Variants in GALNTL6 observed in about 807,000 individuals in gnomAD.
GALNTL6 encodes polypeptide N-acetylgalactosaminyltransferase like 6.
A neutral mutation model predicts 73.7 loss-of-function variants in GALNTL6; 46 were observed. The ratio of observed to expected loss-of-function variants is 0.62; its 90% CI spans 0.49 to 0.80. GALNTL6 has a LOEUF of 0.80. Ranked by LOEUF, GALNTL6 falls within the 30% of genes least tolerant of loss-of-function variation. The probability of loss-of-function intolerance (pLI) is 0.00; values close to 1 mark genes in which losing one functional copy is unlikely to be tolerated. For synonymous variants in GALNTL6, 259 were observed against 263.7 expected (o/e 0.98, Z 0.17); for missense variants, 604 against 755.0 (o/e 0.80, Z 2.34).
intron 2 of GALNTL6, among the ~76,000 whole-genome samples, chr4:172,222,109 C>A (rs1736696504): frequency 6.6e-6 from 1 of 151,690 alleles, no homozygotes. Flanking sequence ...TAACAGCTAC[C>A]CAGACAGTAG....
chr4:171,825,537 A>T (rs1235585994), intron 2 of GALNTL6, among the ~76,000 whole-genome samples: 1 of 152,054 alleles, frequency 6.6e-6, no homozygotes, highest in Non-Finnish European at 1.5e-5. Context: ...GCCAAAGGAA[A>T]TTACATTTTT....
At chr4:172,592,798 G>A (rs1387468578) in intron 5 of GALNTL6, among the ~76,000 whole-genome samples, 1 of 151,942 alleles carries the variant, frequency 6.6e-6, no homozygotes, top group African/African-American at 2.4e-5. Context: ...TTCCCAAGGA[G>A]CTTTGTTTGC....
intron 5 of GALNTL6, among the ~76,000 whole-genome samples, chr4:172,486,956 T>G (rs1023434346): frequency 5.9e-5 from 9 of 152,212 alleles, no homozygotes; most frequent in African/African-American, 2.2e-4. Context: ...ATTCTTCAGA[T>G]TGGCAAATGT....
intron 3 of GALNTL6, among the ~76,000 whole-genome samples, chr4:172,259,249 C>G (rs1002540139): frequency 3.3e-5 from 5 of 151,256 alleles, no homozygotes; most frequent in African/African-American, 1.2e-4. Context: ...CTCTTTTCAC[C>G]ACATCCATGC....
intron 5 of GALNTL6, among the ~76,000 whole-genome samples, chr4:172,528,639 TGGC>T (rs959043950): frequency 2.6e-5 from 4 of 151,404 alleles, no homozygotes; most frequent in African/African-American, 9.7e-5. Flanking sequence ...CCACTGCACC[TGGC>T]CTTATATTTT....
intron 2 of GALNTL6, among the ~76,000 whole-genome samples, chr4:172,042,756 C>T (rs1742117390): frequency 6.8e-6 from 1 of 146,098 alleles, no homozygotes; most frequent in Non-Finnish European, 1.5e-5. Flanking sequence ...CTTTCTCTGA[C>T]TATTCTGATA....
chr4:171,829,555 C>A (rs1212920370), intron 2 of GALNTL6, among the ~76,000 whole-genome samples: 1 of 152,052 alleles, frequency 6.6e-6, no homozygotes, highest in African/African-American at 2.4e-5. Context: ...CATACTTTTT[C>A]CCCCTGGAAT....
intron 10 of GALNTL6, among the ~76,000 whole-genome samples, chr4:172,955,738 T>C (rs1367859765): frequency 6.6e-6 from 1 of 151,736 alleles, no homozygotes; most frequent in Non-Finnish European, 1.5e-5. Context: ...TGAGTGCAAG[T>C]GGGCTGAGTC....
At chr4:173,021,226 T>G (rs1049613025) in intron 11 of GALNTL6, among the ~76,000 whole-genome samples, 5 of 152,154 alleles carry the variant, frequency 3.3e-5, no homozygotes, top group African/African-American at 1.2e-4. Context: ...CTCTGTATTT[T>G]CTCTGGTACC....
At chr4:172,206,527 G>C (rs1329241015) in intron 2 of GALNTL6, among the ~76,000 whole-genome samples, 1 of 152,122 alleles carries the variant, frequency 6.6e-6, no homozygotes, top group African/African-American at 2.4e-5. Flanking sequence ...TTCAGATAAT[G>C]ATAAGTGATA....
chr4:172,133,667 T>C (rs540795004), intron 2 of GALNTL6, among the ~76,000 whole-genome samples: 2 of 152,352 alleles, frequency 1.3e-5, no homozygotes, highest in South Asian at 2.1e-4. Flanking sequence ...GGTGACCAAC[T>C]GAACTGAGGT....
At chr4:172,394,432 T>C (rs1465468502) in intron 5 of GALNTL6, among the ~76,000 whole-genome samples, 7 of 146,712 alleles carry the variant, frequency 4.8e-5, no homozygotes, top group Non-Finnish European at 9.0e-5. Flanking sequence ...CTTCTTCTTT[T>C]TTTTTTTTTT....
At chr4:172,256,880 C>T (rs1738098377) in intron 3 of GALNTL6, among the ~76,000 whole-genome samples, 2 of 151,300 alleles carry the variant, frequency 1.3e-5, no homozygotes, top group South Asian at 4.1e-4. Context: ...CTTCATTCAC[C>T]TCTATATTCC....
rs57041409 is a variant in GALNTL6 at position 172,057,701 on chromosome 4, CAAAAA to C, written c.139-171932_139-171928del. Among the ~76,000 whole-genome samples the C allele has an allele frequency of 7.4e-3, 465 of 63,108 alleles. 3 individuals are homozygous for C. Among genetic ancestry groups the C allele is most frequent in the African/African-American group, 0.011 (153 of 14,200 alleles). 41.4% of individuals were successfully genotyped at this position (63,108 alleles called of 152,430 possible). On this transcript the variant is annotated intron_variant, in intron 2 of 12. Coordinates refer to ENST00000506823, the MANE Select transcript of GALNTL6 (RefSeq NM_001034845.3). ...AGCCTGGGTGACACAGACCCTGTCT[CAAAAA>C]AAAAAAAAAAAAAAAAAAAAAATAT...
chr4:171,906,173 A>C lies in GALNTL6; in HGVS notation c.138+91455A>C, dbSNP rs1230300586. ...CAGAACTGAAGGAAATAGAGACACA[A>C]AAAACCCTTCAAAAAATTAATGAAT... On this transcript the variant is annotated intron_variant, in intron 2 of 12. Coordinates refer to ENST00000506823, the MANE Select transcript of GALNTL6 (RefSeq NM_001034845.3). 6.9e-5 allele frequency among the ~76,000 whole-genome samples: 8 copies of C among 115,624 alleles called. No homozygotes were observed. In the East Asian group the frequency reaches 2.0e-3, roughly 28 times the overall value. The allele number at this position is 115,624 out of a possible 152,430, so 75.9% of individuals were successfully genotyped here.
intron 8 of GALNTL6, among the ~76,000 whole-genome samples, chr4:172,902,683 C>T (rs1338031309): frequency 6.6e-6 from 1 of 152,212 alleles, no homozygotes; most frequent in Admixed American, 6.6e-5. Flanking sequence ...CTTGCAAAAC[C>T]ATTCTAATGA....
At chr4:172,547,830 G>A (rs1735827870) in intron 5 of GALNTL6, among the ~76,000 whole-genome samples, 1 of 152,138 alleles carries the variant, frequency 6.6e-6, no homozygotes, top group East Asian at 1.9e-4. Context: ...GTTTAAGCCA[G>A]CTGCCCACTG....
intron 5 of GALNTL6, among the ~76,000 whole-genome samples, chr4:172,495,433 G>GCCAGT (rs1734040054): frequency 6.6e-6 from 1 of 152,132 alleles, no homozygotes; most frequent in African/African-American, 2.4e-5. Flanking sequence ...CACTTTCTAG[G>GCCAGT]CCAGTAAATT....
intron 5 of GALNTL6, among the ~76,000 whole-genome samples, chr4:172,745,816 A>G (rs2110758545): frequency 6.6e-6 from 1 of 152,236 alleles, no homozygotes; most frequent in Non-Finnish European, 1.5e-5. Context: ...TTATTCAAAT[A>G]TAAGATGAAA....
Sources: allele counts gnomAD v4.1 joint callset (sites outside exome capture counted in the v4.1 genomes callset), GRCh38; gene constraint gnomAD v4.1.1; transcripts MANE v1.5; gene names NCBI Gene and HGNC (gene_info 2026-07-23, HGNC 2026-07-21).